OLFM3: variants seen among roughly 807,000 people sequenced by gnomAD.
OLFM3 encodes the protein noelin-3.
In OLFM3, 20 loss-of-function variants were observed where a neutral mutation model predicts 48.6. The observed-to-expected ratio is 0.41, with a 90% CI of 0.29 to 0.60. The LOEUF is 0.60. Ranked by LOEUF, OLFM3 falls within the 20% of genes least tolerant of loss-of-function variation. The pLI, the probability that OLFM3 is intolerant of heterozygous loss-of-function variation, is 0.28. For missense variants in OLFM3, 437 were observed against 544.3 expected, an observed-to-expected ratio of 0.80 and a Z score of 1.96; for synonymous variants, 222 against 198.1, an observed-to-expected ratio of 1.12 and a Z score of -1.01.
intron 1 of OLFM3, among the ~76,000 whole-genome samples, chr1:101,847,310 A>G (rs1656047278): frequency 1.3e-5 from 2 of 151,732 alleles, no homozygotes; most frequent in South Asian, 4.2e-4. Context: ...AACAGAATCC[A>G]TTTCCTCTGG....
At chr1:101,986,659 T>C (rs192169658) in intron 1 of OLFM3, among the ~76,000 whole-genome samples, 112 of 152,300 alleles carry the variant, frequency 7.4e-4, no homozygotes, top group African/African-American at 2.6e-3. Context: ...GTCAAGCTTG[T>C]TTCTTCTTTC....
At chr1:101,949,668 C>T (rs997722177) in intron 1 of OLFM3, among the ~76,000 whole-genome samples, 1 of 152,156 alleles carries the variant, frequency 6.6e-6, no homozygotes, top group African/African-American at 2.4e-5. Flanking sequence ...CGGTGGCTCA[C>T]GCCTGTAATC....
At chr1:101,898,367 T>C (rs1658275421) in intron 1 of OLFM3, among the ~76,000 whole-genome samples, 1 of 152,200 alleles carries the variant, frequency 6.6e-6, no homozygotes, top group South Asian at 2.1e-4. Flanking sequence ...ATTTAGTTTC[T>C]GATGGATTCC....
intron 4 of OLFM3, among the ~76,000 whole-genome samples, chr1:101,822,432 T>G (rs1196317140): frequency 6.6e-6 from 1 of 152,148 alleles, no homozygotes; most frequent in African/African-American, 2.4e-5. Flanking sequence ...GCTCACTACA[T>G]GCAATGCCTA....
intron 1 of OLFM3, among the ~76,000 whole-genome samples, chr1:101,980,115 G>A (rs924880491): frequency 1.3e-5 from 2 of 152,154 alleles, no homozygotes; most frequent in Admixed American, 1.3e-4. Context: ...TACTCTCATT[G>A]TATCTAGTAA....
At chr1:101,811,233 T>C (rs957441204) in intron 4 of OLFM3, among the ~76,000 whole-genome samples, 1 of 152,058 alleles carries the variant, frequency 6.6e-6, no homozygotes, top group Non-Finnish European at 1.5e-5. Context: ...ACACAATCTG[T>C]AAAAATTTAT....
chr1:101,919,655 T>G (rs1659033995), intron 1 of OLFM3, among the ~76,000 whole-genome samples: 1 of 152,198 alleles, frequency 6.6e-6, no homozygotes, highest in African/African-American at 2.4e-5. Flanking sequence ...AGCCTTCGGA[T>G]TTTTACTTTT....
chr1:101,986,792 G>A (rs912911420), intron 1 of OLFM3, among the ~76,000 whole-genome samples: 2 of 152,128 alleles, frequency 1.3e-5, no homozygotes, highest in Non-Finnish European at 2.9e-5. Context: ...AGAAGATCTT[G>A]TTCCAAAGTT....
intron 2 of OLFM3, among the ~76,000 whole-genome samples, chr1:101,835,148 AAAG>A (rs1481305194): frequency 1.3e-5 from 2 of 152,214 alleles, no homozygotes; most frequent in Non-Finnish European, 2.9e-5. Context: ...TCTGGGTAGA[AAAG>A]AAGATTTGGT....
At chr1:101,993,532 C>T (rs908309915) in intron 1 of OLFM3, among the ~76,000 whole-genome samples, 1 of 152,092 alleles carries the variant, frequency 6.6e-6, no homozygotes, top group Admixed American at 6.6e-5. Context: ...ATAATTCAAA[C>T]ACTCCATTAC....
intron 1 of OLFM3, chr1:101,893,689 T>G (rs1479500049): frequency 6.1e-6 from 1 of 163,204 alleles, no homozygotes; most frequent in African/African-American, 2.4e-5. Flanking sequence ...ACCATAGTCA[T>G]CATCTCTCAT....
chr1:101,989,933 G>T (rs1360177234), intron 1 of OLFM3, among the ~76,000 whole-genome samples: 1 of 152,088 alleles, frequency 6.6e-6, no homozygotes, highest in East Asian at 1.9e-4. Flanking sequence ...ATCTTCAAAA[G>T]AATGTAAACT....
chr1:101,993,670 A>C (rs1343301078), intron 1 of OLFM3, among the ~76,000 whole-genome samples: 1 of 152,136 alleles, frequency 6.6e-6, no homozygotes, highest in Non-Finnish European at 1.5e-5. Flanking sequence ...TCCTAAAAGA[A>C]AAATTGATCA....
At chr1:101,914,198 C>G (rs1658852011) in intron 1 of OLFM3, among the ~76,000 whole-genome samples, 1 of 152,154 alleles carries the variant, frequency 6.6e-6, no homozygotes, top group African/African-American at 2.4e-5. Context: ...TCCTGCAAGT[C>G]TGCCCTGACG....
At chr1:101,923,569 G>T (rs1035597482) in intron 1 of OLFM3, among the ~76,000 whole-genome samples, 2 of 151,974 alleles carry the variant, frequency 1.3e-5, no homozygotes, top group African/African-American at 4.8e-5. Context: ...GCAAAGCTTT[G>T]GGGTAAAGTC....
intron 1 of OLFM3, among the ~76,000 whole-genome samples, chr1:101,916,530 A>AT (rs1171850838): frequency 6.6e-6 from 1 of 152,140 alleles, no homozygotes; most frequent in Non-Finnish European, 1.5e-5. Flanking sequence ...ATTGTTGACA[A>AT]TTTTTAAAAA....
intron 1 of OLFM3, among the ~76,000 whole-genome samples, chr1:101,957,647 C>G (rs895023867): frequency 6.6e-6 from 1 of 151,890 alleles, no homozygotes; most frequent in East Asian, 1.9e-4. Context: ...TCTTTTTCTT[C>G]CTTGAAATTT....
intron 1 of OLFM3, among the ~76,000 whole-genome samples, chr1:101,986,272 A>G (rs1363238375): frequency 6.6e-6 from 1 of 152,008 alleles, no homozygotes; most frequent in African/African-American, 2.4e-5. Context: ...CCTGAACTAC[A>G]TTTTTGAGAG....
intron 1 of OLFM3, among the ~76,000 whole-genome samples, chr1:101,954,701 T>C (rs1660237496): frequency 6.6e-6 from 1 of 152,100 alleles, no homozygotes; most frequent in Admixed American, 6.5e-5. Flanking sequence ...TATCAATAAA[T>C]TCCTTTCCTC....
Sources: gnomAD v4.1 joint callset for allele counts (sites outside exome capture counted in the v4.1 genomes callset) on GRCh38, gnomAD v4.1.1 for gene constraint, MANE v1.5 for transcripts, NCBI Gene and HGNC (gene_info 2026-07-23, HGNC 2026-07-21) for gene names.